The following CLUL1 variants were observed in gnomAD, a reference collection of about 807,000 sequenced individuals.
CLUL1 encodes the protein clusterin like 1.
CLUL1 carries 43 observed loss-of-function variants against 49.4 expected under a neutral mutation model. The ratio of observed to expected loss-of-function variants is 0.87; its 90% CI spans 0.68 to 1.12. The LOEUF (loss-of-function observed/expected upper bound fraction) is 1.12, where lower values mean the gene tolerates loss of function less well. Among genes scored for constraint, CLUL1 ranks in the 50% most tolerant of loss-of-function variants. The probability of loss-of-function intolerance (pLI) is 0.00; values close to 1 mark genes in which losing one functional copy is unlikely to be tolerated. For synonymous variants in CLUL1, 192 were observed against 184.9 expected, an observed-to-expected ratio of 1.04 and a Z score of -0.31; for missense variants, 486 against 544.4, an observed-to-expected ratio of 0.89 and a Z score of 1.07.
At chr18:616,325 A>G (rs1304075788) in intron 2 of CLUL1, among the ~76,000 whole-genome samples, 1 of 152,190 alleles carries the variant, frequency 6.6e-6, no homozygotes, top group Non-Finnish European at 1.5e-5. Flanking sequence ...AAGATGCCAC[A>G]TGACTGTGTA....
intron 9 of CLUL1, among the ~76,000 whole-genome samples, chr18:648,356 T>C (rs11877806): frequency 0.13 from 19,684 of 152,190 alleles, 1,513 homozygotes; most frequent in East Asian, 0.26. Flanking sequence ...AAGTGATTTT[T>C]CACAGGCAAT....
intron 5 of CLUL1, among the ~76,000 whole-genome samples, chr18:626,217 A>T (rs1763136678): frequency 6.6e-6 from 1 of 152,028 alleles, no homozygotes; most frequent in African/African-American, 2.4e-5. Context: ...GGTTCAAGTG[A>T]TTCTCCTGCC....
At position 650,006 on chromosome 18, in the gene CLUL1, A is replaced by G; in HGVS notation, c.*105A>G. On this transcript the variant is annotated 3_prime_UTR_variant, in exon 10 of 10. Coordinates refer to ENST00000692774, the MANE Select transcript of CLUL1 (RefSeq NM_001393344.1). ...TAATGCAATAAACACAGTTGCAGGA[A>G]AGTATGTTAGCTATATACTATGAAG... 1.2e-6 allele frequency: 1 copy of G among 800,206 alleles called. No individual in the cohort carries two copies. The highest frequency in any genetic ancestry group is 1.7e-5 in the South Asian group (1 of 59,822). The allele number at this position is 800,206 out of a possible 1,614,324, so 49.6% of individuals were successfully genotyped here.
At chr18:649,416 A>G (rs1023324034) in intron 9 of CLUL1, among the ~76,000 whole-genome samples, 3 of 152,244 alleles carry the variant, frequency 2.0e-5, no homozygotes, top group African/African-American at 4.8e-5. Flanking sequence ...TTTATTTCCC[A>G]TCCCCAAGTT....
At chr18:622,326 G>A (rs187140380) in intron 4 of CLUL1, among the ~76,000 whole-genome samples, 1 of 152,112 alleles carries the variant, frequency 6.6e-6, no homozygotes, top group African/African-American at 2.4e-5. Context: ...GGTTTTATTT[G>A]TATGTGTTTT....
At chr18:645,130 TGAC>T (rs1394320143) in intron 9 of CLUL1, 33 bp downstream of exon 9, 2 of 1,484,456 alleles carry the variant, frequency 1.3e-6, no homozygotes, top group Admixed American at 2.3e-5. Flanking sequence ...AATGCCTTGT[TGAC>T]AGGAATAGTT....
intron 2 of CLUL1, among the ~76,000 whole-genome samples, chr18:617,775 AAG>A (rs10550964): frequency 0.55 from 83,187 of 151,632 alleles, 25,482 homozygotes; most frequent in Non-Finnish European, 0.7. Flanking sequence ...AACTGTCGTG[AAG>A]AGTTTAAACC....
chr18:641,601 T>G, intron 8 of CLUL1, 60 bp downstream of exon 8: 1 of 1,342,254 alleles, frequency 7.5e-7, no homozygotes, highest in Non-Finnish European at 1.1e-6. Flanking sequence ...GATTTCACTG[T>G]TAATTTACTT....
At chr18:600,786 C>T (rs1261094312) in intron 1 of CLUL1, among the ~76,000 whole-genome samples, 1 of 152,142 alleles carries the variant, frequency 6.6e-6, no homozygotes, top group African/African-American at 2.4e-5. Context: ...TTTTACAAAA[C>T]GCAAGATAAC....
chr18:603,046 C>G (rs994653025), intron 1 of CLUL1, among the ~76,000 whole-genome samples: 1 of 152,156 alleles, frequency 6.6e-6, no homozygotes, highest in African/African-American at 2.4e-5. Flanking sequence ...GGTACATGCT[C>G]TGACTGAACT....
intron 4 of CLUL1, among the ~76,000 whole-genome samples, chr18:623,708 C>T (rs1006997371): frequency 6.8e-6 from 1 of 146,600 alleles, no homozygotes; most frequent in Non-Finnish European, 1.5e-5. Flanking sequence ...AGTCCAAGGA[C>T]ACACACACAC....
chr18:608,651 G>A (rs932568733), intron 2 of CLUL1, among the ~76,000 whole-genome samples: 1 of 152,122 alleles, frequency 6.6e-6, no homozygotes, highest in Non-Finnish European at 1.5e-5. Context: ...CCAGGAGGTC[G>A]AGGCTGCAGT....
rs1298977679 is a variant in CLUL1 at position 641,338 on chromosome 18, G to C, written c.1006G>C (p.Val336Leu). 1 of 1,613,996 alleles carries C rather than the reference G, an allele frequency of 6.2e-7. No individual in the cohort carries two copies. Among genetic ancestry groups the C allele is most frequent in the Non-Finnish European group, 8.5e-7 (1 of 1,180,024 alleles). ...TTCTTCTCTGCTAGACTGTCCTGATGTACCTGCTCTGCACACAGAATTAGA... is the reference window on the plus strand; with the variant it reads ...TTCTTCTCTGCTAGACTGTCCTGATCTACCTGCTCTGCACACAGAATTAGA... ...QAHLSEDCPD[V>L]PALHTELDEA... The change falls in exon 8 of 10, where the codon GTA becomes CTA. Residue 336 changes from valine (V) to leucine (L), a missense_variant. Physicochemically the swap from Val to Leu is conservative, Grantham distance 32. Coordinates refer to ENST00000692774, the MANE Select transcript of CLUL1 (RefSeq NM_001393344.1).
intron 7 of CLUL1, among the ~76,000 whole-genome samples, chr18:639,299 C>T (rs865888226): frequency 2.3e-4 from 35 of 151,430 alleles, no homozygotes; most frequent in South Asian, 6.3e-4. Context: ...GTCATGGTGG[C>T]GCGTGCCTGT....
At chr18:646,499 C>G (rs1442132257) in intron 9 of CLUL1, among the ~76,000 whole-genome samples, 168 of 38,514 alleles carry the variant, frequency 4.4e-3, no homozygotes, top group African/African-American at 0.016. Context: ...GATAGATAGA[C>G]ACACACACAC....
At position 649,807 on chromosome 18, in the gene CLUL1, T is replaced by G. The variant is rs540863029; in HGVS notation, c.1398-91T>G. On this transcript the variant is annotated intron_variant, in intron 9 of 9. Coordinates refer to ENST00000692774, the MANE Select transcript of CLUL1 (RefSeq NM_001393344.1). ...CCAACAGCAGGTATTCTATTACCCATCCTGGACTTTTACTCCAAGAAAAAA... is the reference window on the plus strand; with the variant it reads ...CCAACAGCAGGTATTCTATTACCCAGCCTGGACTTTTACTCCAAGAAAAAA... 14 of 857,390 alleles carry G rather than the reference T, an allele frequency of 1.6e-5. No individual in the cohort carries two copies. In the African/African-American group the frequency reaches 2.4e-4, roughly 15 times the overall value. 53.1% of individuals were successfully genotyped at this position (857,390 alleles called of 1,614,324 possible).
intron 1 of CLUL1, among the ~76,000 whole-genome samples, chr18:605,634 A>G (rs1038722561): frequency 6.6e-6 from 1 of 152,086 alleles, no homozygotes; most frequent in Non-Finnish European, 1.5e-5. Context: ...GGTATTTTGT[A>G]TCATCTACTT....
intron 9 of CLUL1, among the ~76,000 whole-genome samples, chr18:645,810 A>AAATATATAT (rs1451607900): frequency 1.0e-4 from 3 of 29,874 alleles, no homozygotes; most frequent in Non-Finnish European, 1.8e-4. Flanking sequence ...AAAAAAAAAA[A>AAATATATAT]ATATATATAT....
At chr18:621,176 C>A (rs925597726) in intron 4 of CLUL1, among the ~76,000 whole-genome samples, 3 of 152,030 alleles carry the variant, frequency 2.0e-5, no homozygotes, top group Admixed American at 6.6e-5. Context: ...ATTCCCCCCA[C>A]CCCAGTCAGA....
Sources: allele counts gnomAD v4.1 joint callset (sites outside exome capture counted in the v4.1 genomes callset), GRCh38; gene constraint gnomAD v4.1.1; transcripts MANE v1.5; gene names NCBI Gene and HGNC (gene_info 2026-07-23, HGNC 2026-07-21).